RNF17: variants seen among roughly 807,000 people sequenced by gnomAD.
RNF17 encodes the protein ring finger protein 17.
RNF17 carries 31 observed loss-of-function variants against 200.5 expected under a neutral mutation model. The ratio of observed to expected loss-of-function variants is 0.15; its 90% CI spans 0.12 to 0.21. RNF17 has a LOEUF of 0.21. RNF17 is among the 10% of genes least tolerant of loss of function. The pLI is 1.00. For missense variants in RNF17, 1,628 were observed against 1,905.1 expected (o/e 0.85, Z 2.71); for synonymous variants, 606 against 637.8 (o/e 0.95, Z 0.75).
chr13:24,833,244 G>T (rs562355150), intron 18 of RNF17, among the ~76,000 whole-genome samples: 1 of 152,296 alleles, frequency 6.6e-6, no homozygotes, highest in Admixed American at 6.5e-5. Flanking sequence ...TCACTGTGAG[G>T]AAACTGGAGC....
upstream of RNF17, chr13:24,764,048 C>A: frequency 1.6e-6 from 1 of 628,074 alleles, no homozygotes; most frequent in Non-Finnish European, 2.6e-6. Flanking sequence ...TAACGGAAAA[C>A]AGCCCCAGCC....
downstream of RNF17, chr13:24,882,739 T>TACTA (rs1297758746): frequency 1.7e-4 from 30 of 171,914 alleles, no homozygotes; most frequent in Non-Finnish European, 2.4e-4. Flanking sequence ...CTAATTTTGG[T>TACTA]ACTAACTGAA....
At chr13:24,799,711 G>A (rs1033709024) in intron 12 of RNF17, 127 bp downstream of exon 12, 9 of 616,858 alleles carry the variant, frequency 1.5e-5, no homozygotes, top group African/African-American at 1.3e-4. Context: ...CAAGACATAC[G>A]TTTTATTATT....
At chr13:24,774,246 G>C (rs1881231442) in intron 2 of RNF17, among the ~76,000 whole-genome samples, 1 of 151,792 alleles carries the variant, frequency 6.6e-6, no homozygotes, top group African/African-American at 2.4e-5. Flanking sequence ...CTTTCACCCA[G>C]GCTGGAGTGC....
chr13:24,789,536 C>A, intron 8 of RNF17, 112 bp downstream of exon 8: 1 of 940,876 alleles, frequency 1.1e-6, no homozygotes, highest in Admixed American at 2.1e-5. Flanking sequence ...CAAATGTTTA[C>A]TAAGTTAGTA....
chr13:24,859,543 A>C (rs1269806974), intron 26 of RNF17, among the ~76,000 whole-genome samples: 1 of 152,064 alleles, frequency 6.6e-6, no homozygotes, highest in Non-Finnish European at 1.5e-5. Flanking sequence ...ACCTTTCCAG[A>C]ATAATGAGGT....
At chr13:24,858,676 T>A (rs1566236438) in intron 25 of RNF17, among the ~76,000 whole-genome samples, 1 of 151,824 alleles carries the variant, frequency 6.6e-6, no homozygotes, top group East Asian at 1.9e-4. Flanking sequence ...ATACTGTATC[T>A]AAGCAACAAG....
At chr13:24,885,993 T>C in the RNF17 span, 2 of 403,542 alleles carry the variant, frequency 5.0e-6, no homozygotes, top group Non-Finnish European at 4.7e-6. Flanking sequence ...CTAAGACCTG[T>C]GGAATTTGGC....
the RNF17 span, among the ~76,000 whole-genome samples, chr13:24,749,721 T>A: frequency 6.6e-6 from 1 of 152,018 alleles, no homozygotes; most frequent in African/African-American, 2.4e-5. Flanking sequence ...GACCTCCAGT[T>A]TGTTATTAAT....
At chr13:24,826,405 T>C (rs1379986544) in intron 16 of RNF17, among the ~76,000 whole-genome samples, 1 of 152,232 alleles carries the variant, frequency 6.6e-6, no homozygotes, top group Non-Finnish European at 1.5e-5. Context: ...AAATTAGATA[T>C]ACCATAGGCA....
chr13:24,820,294 A>G (rs1215054552), intron 15 of RNF17, among the ~76,000 whole-genome samples: 4 of 149,884 alleles, frequency 2.7e-5, no homozygotes, highest in Non-Finnish European at 4.5e-5. Context: ...GCTAATTTTT[A>G]TATTTTTAGT....
chr13:24,887,197 G>T, the RNF17 span, among the ~76,000 whole-genome samples: 2 of 152,154 alleles, frequency 1.3e-5, no homozygotes, highest in Non-Finnish European at 2.9e-5. Context: ...TTCATCAAAA[G>T]ATACTATAAA....
At chr13:24,779,596 C>T (rs1882073511) in intron 4 of RNF17, 71 bp from the exon 5 acceptor site, 1 of 1,236,588 alleles carries the variant, frequency 8.1e-7, no homozygotes, top group African/African-American at 1.5e-5. Flanking sequence ...TTTTTTGCAA[C>T]TATAATATAT....
chr13:24,768,246 T>C (rs577135718), intron 2 of RNF17, among the ~76,000 whole-genome samples: 1 of 151,842 alleles, frequency 6.6e-6, no homozygotes, highest in East Asian at 1.9e-4. Flanking sequence ...GTTCAGCTTA[T>C]ATAATATTGT....
chr13:24,851,423 T>C, intron 23 of RNF17, 33 bp from the exon 24 acceptor site: 1 of 1,409,340 alleles, frequency 7.1e-7, no homozygotes, highest in African/African-American at 1.4e-5. Flanking sequence ...CATTTTGGTG[T>C]TTCATATTTA....
At chr13:24,784,170 CAT>C (rs1414423828) in intron 6 of RNF17, among the ~76,000 whole-genome samples, 1 of 152,156 alleles carries the variant, frequency 6.6e-6, no homozygotes, top group African/African-American at 2.4e-5. Context: ...ACATCAATCA[CAT>C]GTTAATGTTT....
chr13:24,825,947 T>A, intron 16 of RNF17, 175 bp downstream of exon 16: 1 of 984,436 alleles, frequency 1.0e-6, no homozygotes, highest in Non-Finnish European at 1.2e-6. Context: ...CTTCTGATAT[T>A]TTGTTTGACT....
intron 18 of RNF17, among the ~76,000 whole-genome samples, chr13:24,837,323 C>CA (rs1890124677): frequency 6.6e-6 from 1 of 152,050 alleles, no homozygotes; most frequent in Non-Finnish European, 1.5e-5. Context: ...GTCATCAAGA[C>CA]AGTCAACAAA....
the RNF17 span, chr13:24,886,291 G>T: frequency 7.8e-7 from 1 of 1,288,736 alleles, no homozygotes; most frequent in Non-Finnish European, 1.0e-6. Flanking sequence ...AAGTGTAACA[G>T]AGCTGGATGT....
Sources: allele counts gnomAD v4.1 joint callset (sites outside exome capture counted in the v4.1 genomes callset), GRCh38; gene constraint gnomAD v4.1.1; transcripts MANE v1.5; gene names NCBI Gene and HGNC (gene_info 2026-07-23, HGNC 2026-07-21).